Variants in AKAP19 observed in about 807,000 individuals in gnomAD.
The protein encoded by AKAP19 is A-kinase anchoring protein 19.
At chr2:190,116,685 T>C in the AKAP19 span, among the ~76,000 whole-genome samples, 1 of 152,220 alleles carries the variant, frequency 6.6e-6, no homozygotes, top group South Asian at 2.1e-4. Context: ...GCTCTGGGTT[T>C]TATAAATTTC....
chr2:190,002,544 A>G, the AKAP19 span, among the ~76,000 whole-genome samples: 1 of 152,086 alleles, frequency 6.6e-6, no homozygotes, highest in Non-Finnish European at 1.5e-5. Context: ...AAGTATAATA[A>G]TAATAAATTT....
chr2:190,157,393 CAT>C, the AKAP19 span, among the ~76,000 whole-genome samples: 1 of 149,236 alleles, frequency 6.7e-6, no homozygotes, highest in African/African-American at 2.5e-5. Flanking sequence ...CACACACACA[CAT>C]ATCACAGGAT....
At chr2:189,885,114 T>C in the AKAP19 span, among the ~76,000 whole-genome samples, 1 of 152,184 alleles carries the variant, frequency 6.6e-6, no homozygotes, top group Non-Finnish European at 1.5e-5. Context: ...ATCATTTCTT[T>C]ATTGTACACA....
chr2:190,116,597 G>A, the AKAP19 span, among the ~76,000 whole-genome samples: 4 of 152,152 alleles, frequency 2.6e-5, no homozygotes, highest in Non-Finnish European at 5.9e-5. Context: ...CATCCTCACC[G>A]CCATTTTCTG....
the AKAP19 span, among the ~76,000 whole-genome samples, chr2:189,981,805 T>C: frequency 5.3e-5 from 8 of 152,324 alleles, no homozygotes; most frequent in African/African-American, 1.7e-4. Flanking sequence ...CTTTTTTTAT[T>C]CTTTAAGAAG....
At chr2:190,054,028 C>T in the AKAP19 span, among the ~76,000 whole-genome samples, 1 of 151,834 alleles carries the variant, frequency 6.6e-6, no homozygotes, top group South Asian at 2.1e-4. Flanking sequence ...TTTTGCAATT[C>T]AGTTTGAAAA....
the AKAP19 span, among the ~76,000 whole-genome samples, chr2:190,041,332 G>A: frequency 6.6e-6 from 1 of 152,166 alleles, no homozygotes; most frequent in Non-Finnish European, 1.5e-5. Context: ...TGTTGTTGGT[G>A]TATAGGAATG....
the AKAP19 span, among the ~76,000 whole-genome samples, chr2:190,117,509 G>T: frequency 1.3e-5 from 2 of 152,146 alleles, no homozygotes; most frequent in South Asian, 4.2e-4. Context: ...TTAGAGTTTC[G>T]CAATACATGT....
At chr2:189,917,471 A>C in the AKAP19 span, 2 of 679,716 alleles carry the variant, frequency 2.9e-6, no homozygotes, top group East Asian at 2.8e-5. Context: ...TTACTGGTTG[A>C]CTCTTTGAAA....
the AKAP19 span, among the ~76,000 whole-genome samples, chr2:189,900,798 C>G: frequency 6.6e-6 from 1 of 152,206 alleles, no homozygotes; most frequent in Admixed American, 6.5e-5. Context: ...TATGAAAATG[C>G]GTTGCAAGGG....
At chr2:190,003,446 A>G in the AKAP19 span, among the ~76,000 whole-genome samples, 1 of 152,176 alleles carries the variant, frequency 6.6e-6, no homozygotes, top group African/African-American at 2.4e-5. Flanking sequence ...TCATAGATTG[A>G]ATTCATAAAA....
the AKAP19 span, among the ~76,000 whole-genome samples, chr2:190,048,962 T>A: frequency 6.6e-6 from 1 of 152,090 alleles, no homozygotes; most frequent in African/African-American, 2.4e-5. Context: ...TAAAATAAAA[T>A]ATAAGATGCA....
chr2:190,116,714 T>G, the AKAP19 span, among the ~76,000 whole-genome samples: 1 of 152,188 alleles, frequency 6.6e-6, no homozygotes, highest in South Asian at 2.1e-4. Context: ...TCTTCTGGTG[T>G]GCCCAGAGTT....
chr2:190,006,558 T>A, the AKAP19 span, among the ~76,000 whole-genome samples: 1 of 148,276 alleles, frequency 6.7e-6, no homozygotes, highest in African/African-American at 2.5e-5. Context: ...GCTGAGGCGT[T>A]AACCCAGGAG....
At chr2:190,075,310 G>A in the AKAP19 span, among the ~76,000 whole-genome samples, 1 of 152,014 alleles carries the variant, frequency 6.6e-6, no homozygotes, top group African/African-American at 2.4e-5. Flanking sequence ...CCCACCTTAT[G>A]TTCTATCTTG....
chr2:190,186,210 C>T, the AKAP19 span, among the ~76,000 whole-genome samples: 1 of 152,160 alleles, frequency 6.6e-6, no homozygotes, highest in African/African-American at 2.4e-5. The surrounding 1 kb of genome is among the most constrained non-coding windows in gnomAD (Gnocchi z 5.5). Context: ...CTTTGGCCTC[C>T]CAAAGCACTG....
the AKAP19 span, among the ~76,000 whole-genome samples, chr2:189,965,630 T>TA: frequency 4.3e-5 from 6 of 140,904 alleles, no homozygotes; most frequent in East Asian, 6.0e-4. Context: ...GTGGCCACAA[T>TA]AAAAAAATAA....
the AKAP19 span, among the ~76,000 whole-genome samples, chr2:190,042,913 G>T: frequency 2.0e-5 from 3 of 152,240 alleles, no homozygotes; most frequent in Non-Finnish European, 2.9e-5. Flanking sequence ...CTCAACATTT[G>T]CTTCTGTGAA....
the AKAP19 span, among the ~76,000 whole-genome samples, chr2:190,194,089 G>T: frequency 1.3e-5 from 2 of 152,026 alleles, no homozygotes; most frequent in African/African-American, 4.8e-5. Flanking sequence ...GGCTTTTCTA[G>T]ATATTTTACT....
Sources: allele counts gnomAD v4.1 joint callset (sites outside exome capture counted in the v4.1 genomes callset), GRCh38; gene constraint gnomAD v4.1.1; non-coding constraint Gnocchi (gnomAD v3.1); transcripts MANE v1.5; gene names NCBI Gene and HGNC (gene_info 2026-07-23, HGNC 2026-07-21).